Variants in GRM4 observed in about 807,000 individuals in gnomAD.
The protein encoded by GRM4 is metabotropic glutamate receptor 4.
Under a neutral mutation model 81.7 loss-of-function variants are expected in GRM4, and 28 were observed. The observed-to-expected ratio is 0.34, with a 90% CI of 0.25 to 0.47. The LOEUF (loss-of-function observed/expected upper bound fraction) is 0.47. Ranked by LOEUF, GRM4 falls within the 20% of genes least tolerant of loss-of-function variation. The pLI is 1.00. For missense variants in GRM4, 948 were observed against 1,290.0 expected (o/e 0.73, Z 4.06); for synonymous variants, 488 against 528.8 (o/e 0.92, Z 1.06).
intron 3 of GRM4, among the ~76,000 whole-genome samples, chr6:34,085,520 C>G (rs568990653): frequency 6.6e-6 from 1 of 152,220 alleles, no homozygotes; most frequent in Non-Finnish European, 1.5e-5. Flanking sequence ...CCAATGCCTA[C>G]ACCCCGTCAG....
intron 3 of GRM4, among the ~76,000 whole-genome samples, chr6:34,076,599 G>T (rs6928460): frequency 0.058 from 8,902 of 152,306 alleles, 600 homozygotes; most frequent in African/African-American, 0.16. Flanking sequence ...GCTGGCCTTG[G>T]TGGAGGGGGT....
intron 3 of GRM4, among the ~76,000 whole-genome samples, chr6:34,065,180 A>G (rs187180518): frequency 1.6e-3 from 237 of 152,272 alleles, no homozygotes; most frequent in African/African-American, 5.3e-3. Flanking sequence ...ACAGATCAAC[A>G]TCCACCATCA....
rs1314823552 is a variant in GRM4 at position 34,092,148 on chromosome 6, G to T, written c.520-49C>A. The T allele has an allele frequency of 1.6e-6, 2 of 1,289,646 alleles. No homozygotes were observed. Among genetic ancestry groups the T allele is most frequent in the Non-Finnish European group, 1.1e-6 (1 of 905,204 alleles). The allele number at this position is 1,289,646 out of a possible 1,614,324, so 79.9% of individuals were successfully genotyped here. A position where few individuals can be genotyped will look rare whatever the true frequency, so the allele number is the denominator to read the frequency against. On this transcript the variant is annotated intron_variant, in intron 2 of 10. Transcript: ENST00000538487. The surrounding 1 kb of genome is among the most constrained non-coding windows in gnomAD (Gnocchi z 6.8). ...AGGGTGGCGACTGGCTCCCCACCCT[G>T]CCTAGCCAGCCCCATTCCCCTACAC...
At chr6:34,120,473 T>G (rs1769766252) in intron 2 of GRM4, among the ~76,000 whole-genome samples, 1 of 152,186 alleles carries the variant, frequency 6.6e-6, no homozygotes, top group South Asian at 2.1e-4. Flanking sequence ...CCTGGGATAC[T>G]TAGGACCATC....
In GRM4 at chr6:34,056,602, G is replaced by A; in HGVS notation, c.1110C>T (p.Phe370=). The change falls in exon 6 of 11, where the codon TTC becomes TTT. Residue 370 remains phenylalanine (F), a synonymous_variant. Transcript: ENST00000538487. ...GGGCGTGGCGGCTCAGCTTGCAGTGGAAGTTGTCCTCCCAGAACTCGGCAA... is the reference window on the plus strand; with the variant it reads ...GGGCGTGGCGGCTCAGCTTGCAGTGAAAGTTGTCCTCCCAGAACTCGGCAA... ...IWFAEFWEDN[F]HCKLSRHALK... is the part of the protein sequence containing the mutation. 1 of 1,613,618 alleles carries A rather than the reference G, an allele frequency of 6.2e-7. No homozygotes were observed. Among genetic ancestry groups the A allele is most frequent in the South Asian group, 1.1e-5 (1 of 91,040 alleles).
chr6:34,105,943 C>T (rs1769104062), intron 2 of GRM4: 1 of 152,250 alleles, frequency 6.6e-6, no homozygotes, highest in South Asian at 2.1e-4. Context: ...CCAGGACCGC[C>T]CAGGTCCACA....
chr6:34,097,680 T>A (rs1177803823), intron 2 of GRM4, among the ~76,000 whole-genome samples: 1 of 152,152 alleles, frequency 6.6e-6, no homozygotes, highest in Non-Finnish European at 1.5e-5. Flanking sequence ...TCCCACACCA[T>A]CCAAAGGTGG....
Position 34,089,143 on chromosome 6 carries a change from A to G in GRM4, c.736+2740T>C, listed in dbSNP as rs557198600. ...CACAGTTGGCACCCAGGACTCACTC[A>G]CCACACTTCCAACATGCATCCCAGC... On this transcript the variant is annotated intron_variant, in intron 3 of 10. Transcript: ENST00000538487. The surrounding 1 kb of genome is among the most constrained non-coding windows in gnomAD (Gnocchi z 4.3). 6.6e-6 allele frequency among the ~76,000 whole-genome samples: 1 copy of G among 152,144 alleles called. No individual in the cohort carries two copies. The highest frequency in any genetic ancestry group is 2.1e-4 in the South Asian group (1 of 4,810).
At chr6:34,117,549 G>A (rs1041765038) in intron 2 of GRM4, among the ~76,000 whole-genome samples, 6 of 152,148 alleles carry the variant, frequency 3.9e-5, no homozygotes, top group Admixed American at 6.5e-5. Flanking sequence ...TTGAATTTCC[G>A]GGGTTTAGGG....
exon 1 of GRM4, chr6:34,155,185 T>G (rs1325577001): frequency 2.0e-6 from 3 of 1,535,484 alleles, no homozygotes; most frequent in African/African-American, 2.7e-5. Flanking sequence ...CAGGCTCACC[T>G]GCTCTCCTGG....
intron 9 of GRM4, among the ~76,000 whole-genome samples, chr6:34,028,647 G>A (rs1372908313): frequency 6.6e-6 from 1 of 152,214 alleles, no homozygotes; most frequent in African/African-American, 2.4e-5. Flanking sequence ...GCTGTTGTGA[G>A]AATTAAGTGA....
chr6:34,074,473 C>G lies in GRM4; in HGVS notation c.737-12445G>C, dbSNP rs1187217216. On this transcript the variant is annotated intron_variant, in intron 3 of 10. Coordinates refer to ENST00000538487, the MANE Select transcript of GRM4 (RefSeq NM_000841.4). The surrounding 1 kb of genome is among the most constrained non-coding windows in gnomAD (Gnocchi z 4.9). ...TCTCAGAGCTGAGCCCTTCCGCCCC[C>G]TACCAGGAGGCTGCTGGGCAGCGCA... is the stretch of plus-strand genomic sequence containing the variant. Among the ~76,000 whole-genome samples the G allele has an allele frequency of 6.6e-6, 1 of 151,068 alleles. No homozygotes were observed. The highest frequency in any genetic ancestry group is 1.9e-4 in the East Asian group (1 of 5,160).
chr6:34,112,381 G>A (rs558160199), intron 2 of GRM4, among the ~76,000 whole-genome samples: 221 of 152,276 alleles, frequency 1.5e-3, no homozygotes, highest in African/African-American at 5.0e-3. Flanking sequence ...TTCCCAGAAG[G>A]AGCCCCTCAA....
chr6:34,144,103 C>G (rs543944354), intron 1 of GRM4, among the ~76,000 whole-genome samples: 1 of 152,224 alleles, frequency 6.6e-6, no homozygotes, highest in African/African-American at 2.4e-5. Context: ...CCGACAGGGA[C>G]TGAAAGTCTG....
rs999723331 is a variant in GRM4, at chr6:34,047,203, G to A, written c.1169-6455C>T. On this transcript the variant is annotated intron_variant, in intron 6 of 10. Transcript: ENST00000538487. This position sits in a 1 kb window ranked among gnomAD's most constrained non-coding sequence, Gnocchi z 4.5. The stretch of plus-strand genomic sequence containing the variant: ...TCAGCTCTCCTTTCCTCCCTGACAC[G>A]CCCCTGCTGGATGACACCCCACCCC... Among the ~76,000 whole-genome samples the A allele has an allele frequency of 7.9e-5, 12 of 151,952 alleles. No individual in the cohort carries two copies. Among genetic ancestry groups the A allele is most frequent in the African/African-American group, 2.7e-4 (11 of 41,332 alleles).
intron 10 of GRM4, among the ~76,000 whole-genome samples, chr6:34,027,433 C>T (rs537271615): frequency 7.9e-5 from 12 of 152,100 alleles, no homozygotes; most frequent in Non-Finnish European, 1.6e-4. Flanking sequence ...AAAGCATGAC[C>T]CTTTCCTGCT....
Position 34,125,354 on chromosome 6 carries a change from G to A in GRM4, c.519+7624C>T, listed in dbSNP as rs187368860. 4.5e-4 allele frequency among the ~76,000 whole-genome samples: 69 copies of A among 151,954 alleles called. 1 individual carries two copies. The East Asian group carries it at 8.3e-3, about 18-fold the overall frequency. ...CCCCCCATACCTCAGGGTTCCCCTC[G>A]GAGGAAGCAGGCTTGAGAGGACTGC... On this transcript the variant is annotated intron_variant, in intron 2 of 10. Transcript: ENST00000538487.
At position 34,142,880 on chromosome 6, in the gene GRM4, C is replaced by T. The variant is rs144327531; in HGVS notation, c.-364+3120G>A. ...CACTGAGGCCCAGAAAGCAGCTCAACTCCTGACATGCTCCCGCCTCCCCTC... is the reference window on the plus strand; with the variant it reads ...CACTGAGGCCCAGAAAGCAGCTCAATTCCTGACATGCTCCCGCCTCCCCTC... On this transcript the variant is annotated intron_variant, in intron 1 of 10. Coordinates refer to ENST00000538487, the MANE Select transcript of GRM4 (RefSeq NM_000841.4). Among the ~76,000 whole-genome samples the T allele has an allele frequency of 2.7e-3, 413 of 152,358 alleles. 2 individuals are homozygous for T. Among genetic ancestry groups the T allele is most frequent in the Non-Finnish European group, 4.5e-3 (308 of 68,034 alleles).
At position 34,022,786 on chromosome 6, in the gene GRM4, G is replaced by A. The variant is rs201477423; in HGVS notation, c.*35C>T. 2.7e-5 allele frequency: 43 copies of A among 1,594,204 alleles called. No individual in the cohort carries two copies. Among genetic ancestry groups the A allele is most frequent in the Non-Finnish European group, 3.1e-5 (36 of 1,162,170 alleles). On this transcript the variant is annotated 3_prime_UTR_variant, in exon 11 of 11. Transcript: ENST00000538487. The surrounding 1 kb of genome is among the most constrained non-coding windows in gnomAD (Gnocchi z 5.6). ...CCCGACGCACCTTCCACAGGGTCAC[G>A]GCTCCTCCTCCTGCTGCTCAGCTCC...
Sources: gnomAD v4.1 joint callset for allele counts (sites outside exome capture counted in the v4.1 genomes callset) on GRCh38, gnomAD v4.1.1 for gene constraint, Gnocchi (gnomAD v3.1) non-coding constraint, MANE v1.5 for transcripts, NCBI Gene and HGNC (gene_info 2026-07-23, HGNC 2026-07-21) for gene names.